The following BTBD8 variants were observed in gnomAD, a reference collection of about 807,000 sequenced individuals.
BTBD8 encodes the protein BTB domain containing 8, also known as BTB/POZ domain-containing protein 8.
Under a neutral mutation model 162.9 loss-of-function variants are expected in BTBD8, and 110 were observed. That is an observed-to-expected ratio of 0.68 (90% CI 0.58 to 0.79). BTBD8 has a LOEUF of 0.79. BTBD8 is among the 30% of genes least tolerant of loss of function. The pLI is 0.00. For synonymous variants in BTBD8, 667 were observed against 716.1 expected (o/e 0.93, Z 1.10); for missense variants, 1,905 against 2,085.4 (o/e 0.91, Z 1.68).
chr1:92,177,528 G>A lies in BTBD8; in HGVS notation c.2335G>A (p.Val779Ile). Residue 779 changes from valine (V) to isoleucine (I), a missense_variant, in exon 14 of 18, where the codon GTC (valine) becomes ATC (isoleucine). Val to Ile is a conservative substitution (Grantham distance 29). Coordinates refer to ENST00000636805, the MANE Select transcript of BTBD8 (RefSeq NM_001376131.1). The part of the protein sequence containing the change: ...GQMMKNSVDS[V>I]KNSTVAIKSR... ...GATGATGAAAAACAGTGTAGATAGT[G>A]TCAAAAATTCCACTGTAGGTGGGTT... The A allele has an allele frequency of 6.5e-7, 1 of 1,536,240 alleles. No individual in the cohort carries two copies. The highest frequency in any genetic ancestry group is 2.5e-5 in the East Asian group (1 of 40,816).
At chr1:92,173,887 T>C (rs570257343) in intron 13 of BTBD8, among the ~76,000 whole-genome samples, 2 of 152,314 alleles carry the variant, frequency 1.3e-5, no homozygotes, top group Admixed American at 6.5e-5. Flanking sequence ...GGATGAGCTA[T>C]CTAGGAGGTG....
chr1:92,125,979 G>T, intron 4 of BTBD8: 1 of 459,720 alleles, frequency 2.2e-6, no homozygotes. Context: ...CAAAGCAAAG[G>T]CAAATGTGAA....
rs1649714880 is a variant in BTBD8 at position 92,139,435 on chromosome 1, G to A, written c.833+5G>A. The A allele has an allele frequency of 6.3e-7, 1 of 1,598,026 alleles. No individual in the cohort carries two copies. Among genetic ancestry groups the A allele is most frequent in the Non-Finnish European group, 8.5e-7 (1 of 1,175,818 alleles). On this transcript the variant is annotated splice_donor_5th_base_variant and intron_variant, in intron 6 of 17. Transcript: ENST00000636805. ...TCCAGACAAAACTAATGTTGGGTATGTATTCCTTTTTAATAATTTAAAATA... is the reference window on the plus strand; with the variant it reads ...TCCAGACAAAACTAATGTTGGGTATATATTCCTTTTTAATAATTTAAAATA...
At chr1:92,081,495 T>C (rs1648011199) in intron 1 of BTBD8, among the ~76,000 whole-genome samples, 2 of 152,260 alleles carry the variant, frequency 1.3e-5, no homozygotes, top group South Asian at 4.1e-4. Context: ...CCCCAAGTGA[T>C]GCTAATGCTG....
At chr1:92,122,743 G>A (rs1277909047) in intron 4 of BTBD8, among the ~76,000 whole-genome samples, 1 of 150,188 alleles carries the variant, frequency 6.7e-6, no homozygotes, top group African/African-American at 2.5e-5. Context: ...TTTTGTACTT[G>A]TAGTAGAGAC....
chr1:92,130,512 C>CAA (rs1465633963), intron 5 of BTBD8, among the ~76,000 whole-genome samples: 24 of 60,374 alleles, frequency 4.0e-4, no homozygotes, highest in Non-Finnish European at 5.8e-4. Context: ...AACCCTGTCT[C>CAA]AAAAAAAATA....
chr1:92,114,135 T>C (rs761546231), intron 4 of BTBD8, among the ~76,000 whole-genome samples: 2 of 151,886 alleles, frequency 1.3e-5, no homozygotes, highest in Non-Finnish European at 2.9e-5. Flanking sequence ...TAAGAAATAA[T>C]TGTTAAAAAA....
intron 7 of BTBD8, among the ~76,000 whole-genome samples, chr1:92,145,851 G>T (rs1016023067): frequency 6.6e-6 from 1 of 151,934 alleles, no homozygotes; most frequent in Admixed American, 6.5e-5. Flanking sequence ...CGTGGTGGCA[G>T]GCGCCTGTAA....
chr1:92,093,417 C>G (rs1187176894), intron 2 of BTBD8, among the ~76,000 whole-genome samples: 2 of 152,076 alleles, frequency 1.3e-5, no homozygotes, highest in African/African-American at 2.4e-5. Flanking sequence ...GTCTCGAACT[C>G]CCGACCTCAG....
intron 1 of BTBD8, among the ~76,000 whole-genome samples, chr1:92,084,291 C>T (rs1373573219): frequency 6.6e-6 from 1 of 152,136 alleles, no homozygotes; most frequent in Non-Finnish European, 1.5e-5. Flanking sequence ...TTGTTTCAAA[C>T]CATTTGCAGG....
intron 9 of BTBD8, chr1:92,150,777 A>C (rs1347755987): frequency 6.6e-6 from 1 of 152,220 alleles, no homozygotes; most frequent in African/African-American, 2.4e-5. Context: ...TGTGGGAGGA[A>C]ACTGGAGTGT....
intron 9 of BTBD8, 90 bp downstream of exon 9, chr1:92,147,876 G>A: frequency 9.0e-7 from 1 of 1,111,066 alleles, no homozygotes; most frequent in Non-Finnish European, 1.3e-6. Flanking sequence ...AAATATAAAT[G>A]TAAAATATTG....
intron 7 of BTBD8, among the ~76,000 whole-genome samples, chr1:92,145,523 C>A: frequency 6.6e-6 from 1 of 152,068 alleles, no homozygotes; most frequent in East Asian, 1.9e-4. Flanking sequence ...AACTCTTCAA[C>A]CTAATTGAGA....
intron 4 of BTBD8, among the ~76,000 whole-genome samples, chr1:92,114,236 G>A (rs911633365): frequency 2.6e-5 from 4 of 151,888 alleles, no homozygotes; most frequent in African/African-American, 9.7e-5. Context: ...ATTATCTATC[G>A]ATATTCAACA....
chr1:92,171,530 T>C, intron 13 of BTBD8, 70 bp downstream of exon 13: 1 of 1,022,274 alleles, frequency 9.8e-7, no homozygotes, highest in South Asian at 2.3e-5. Context: ...TTATTTTATA[T>C]TTCAGAAAAA....
intron 9 of BTBD8, chr1:92,150,588 A>G (rs1231044090): frequency 6.6e-6 from 1 of 152,196 alleles, no homozygotes; most frequent in East Asian, 1.9e-4. Context: ...ATTTTCCAAC[A>G]TGCTTTTTCT....
At chr1:92,157,002 GAGGTAT>G (rs1650174012) in intron 9 of BTBD8, among the ~76,000 whole-genome samples, 1 of 148,598 alleles carries the variant, frequency 6.7e-6, no homozygotes, top group African/African-American at 2.5e-5. Context: ...TTAGTTCCTT[GAGGTAT>G]AATATAAAGT....
At chr1:92,099,546 A>G (rs181210013) in intron 2 of BTBD8, among the ~76,000 whole-genome samples, 11 of 152,188 alleles carry the variant, frequency 7.2e-5, no homozygotes, top group Admixed American at 7.2e-4. Context: ...ATGTGTTTCC[A>G]TTTATTTAGT....
intron 9 of BTBD8, among the ~76,000 whole-genome samples, chr1:92,159,114 T>C (rs1394341646): frequency 1.3e-5 from 2 of 152,068 alleles, no homozygotes; most frequent in African/African-American, 4.8e-5. Context: ...CATAAGTGAA[T>C]CATAAGTGAT....
Sources: allele counts gnomAD v4.1 joint callset (sites outside exome capture counted in the v4.1 genomes callset), GRCh38; gene constraint gnomAD v4.1.1; transcripts MANE v1.5; gene names NCBI Gene and HGNC (gene_info 2026-07-23, HGNC 2026-07-21).